Variants in GRAMD1C observed in about 807,000 individuals in gnomAD.
GRAMD1C encodes protein Aster-C.
GRAMD1C carries 89 observed loss-of-function variants against 97.8 expected under a neutral mutation model. The observed-to-expected ratio is 0.91, with a 90% confidence interval of 0.77 to 1.09. The LOEUF is 1.09. Ranked by LOEUF, GRAMD1C falls within the 50% of genes least tolerant of loss-of-function variation. The pLI, the probability that GRAMD1C is intolerant of heterozygous loss-of-function variation, is 0.00. For synonymous variants in GRAMD1C, 256 were observed against 267.0 expected, an observed-to-expected ratio of 0.96 and a Z score of 0.40; for missense variants, 740 against 766.4, an observed-to-expected ratio of 0.97 and a Z score of 0.41.
chr3:113,885,043 C>T (rs1307472580), intron 6 of GRAMD1C, among the ~76,000 whole-genome samples: 2 of 151,262 alleles, frequency 1.3e-5, no homozygotes, highest in African/African-American at 2.4e-5. Flanking sequence ...GCAACTTCCC[C>T]GAAGGCGTCG....
At chr3:113,831,421 C>T (rs1042236652) in intron 1 of GRAMD1C, among the ~76,000 whole-genome samples, 5 of 8,704 alleles carry the variant, frequency 5.7e-4, no homozygotes, top group African/African-American at 6.8e-4. Flanking sequence ...TGTTTTGCAC[C>T]TTACTTTTTT....
chr3:113,868,176 CATT>C (rs1026184331), intron 2 of GRAMD1C, among the ~76,000 whole-genome samples: 14 of 152,060 alleles, frequency 9.2e-5, no homozygotes, highest in African/African-American at 2.9e-4. Context: ...CTTGTTGAGT[CATT>C]GTTGTCATAC....
chr3:113,860,874 G>A (rs150656688), intron 2 of GRAMD1C, among the ~76,000 whole-genome samples: 3,587 of 151,818 alleles, frequency 0.024, 140 homozygotes, highest in African/African-American at 0.08. Flanking sequence ...GCTGAGGCAG[G>A]AGAATCGCTT....
At chr3:113,885,417 T>A (rs1935435680) in intron 6 of GRAMD1C, 3 of 1,573,150 alleles carry the variant, frequency 1.9e-6, no homozygotes, top group Non-Finnish European at 1.7e-6. Flanking sequence ...AGTACCAAAC[T>A]GTTCGATATG....
intron 1 of GRAMD1C, among the ~76,000 whole-genome samples, chr3:113,831,921 T>C (rs1430654759): frequency 2.0e-5 from 3 of 152,228 alleles, no homozygotes; most frequent in Non-Finnish European, 4.4e-5. Flanking sequence ...TCAGGCTTCA[T>C]TAGGGGCTGT....
chr3:113,892,148 GT>G (rs1049764341), intron 6 of GRAMD1C, among the ~76,000 whole-genome samples: 10 of 152,162 alleles, frequency 6.6e-5, no homozygotes, highest in Admixed American at 3.3e-4. Context: ...GAAAAAGAAT[GT>G]TTTTAAAAGA....
intron 5 of GRAMD1C, among the ~76,000 whole-genome samples, chr3:113,879,636 G>A (rs1265392293): frequency 1.3e-5 from 2 of 150,508 alleles, no homozygotes; most frequent in African/African-American, 2.4e-5. Context: ...ATCCCCATAT[G>A]TGGAGGCTGT....
chr3:113,898,408 T>G (rs1041535360), intron 6 of GRAMD1C, among the ~76,000 whole-genome samples: 4 of 152,162 alleles, frequency 2.6e-5, no homozygotes, highest in African/African-American at 9.6e-5. Flanking sequence ...ACTAAAATAT[T>G]TCAAAGATAA....
intron 11 of GRAMD1C, 78 bp from the exon 12 acceptor site, chr3:113,933,433 A>G (rs1158505829): frequency 1.0e-6 from 1 of 976,118 alleles, no homozygotes; most frequent in East Asian, 2.4e-5. Flanking sequence ...AGGAATACTA[A>G]TATACATGTT....
intron 6 of GRAMD1C, chr3:113,885,558 G>C (rs1935443219): frequency 6.3e-7 from 1 of 1,579,192 alleles, no homozygotes; most frequent in African/African-American, 1.3e-5. Flanking sequence ...AGTCCGGCCT[G>C]TTAGGCCTCC....
rs560166773 is a variant in GRAMD1C at position 113,852,756 on chromosome 3, C to T, written c.174+8107C>T. On this transcript the variant is annotated intron_variant, in intron 2 of 17. Coordinates refer to ENST00000358160, the MANE Select transcript of GRAMD1C (RefSeq NM_017577.5). ...AGATAGCACCTTGAACTTGTATGAG[C>T]TGGAACTGAAAACTCTTTATAAAGC... 5.3e-4 allele frequency among the ~76,000 whole-genome samples: 80 copies of T among 152,268 alleles called. 3 individuals carry two copies. In the South Asian group the frequency reaches 0.016, roughly 30 times the overall value.
chr3:113,857,517 G>A lies in GRAMD1C; in HGVS notation c.175-11990G>A, dbSNP rs111440495. ...CAGCCTCCCGAGTAGCTGGGACTAC[G>A]GGCGCCCACCACCACGCCTGGCTAA... On this transcript the variant is annotated intron_variant, in intron 2 of 17. Transcript: ENST00000358160. Among the ~76,000 whole-genome samples the A allele has an allele frequency of 6.6e-3, 1,002 of 151,552 alleles. 10 individuals carry two copies. Among genetic ancestry groups the A allele is most frequent in the African/African-American group, 0.023 (935 of 41,318 alleles).
chr3:113,911,173 G>GACAC (rs60151773), intron 9 of GRAMD1C, among the ~76,000 whole-genome samples: 74 of 147,532 alleles, frequency 5.0e-4, no homozygotes, highest in African/African-American at 1.7e-3. Context: ...CAGAGAGAGA[G>GACAC]ACACACACAC....
At chr3:113,903,976 TTTAAGAAGATAGCC>T (rs1454704090) in intron 7 of GRAMD1C, among the ~76,000 whole-genome samples, 150 bp from the exon 8 acceptor site, 1 of 152,210 alleles carries the variant, frequency 6.6e-6, no homozygotes, top group Non-Finnish European at 1.5e-5. Flanking sequence ...TTGCATGTAA[TTTAAGAAGATAGCC>T]TTGTTATAAG....
chr3:113,861,260 C>A (rs967619941), intron 2 of GRAMD1C, among the ~76,000 whole-genome samples: 1 of 152,120 alleles, frequency 6.6e-6, no homozygotes, highest in East Asian at 1.9e-4. Context: ...AGGTTTAAAT[C>A]TTCATGAACT....
chr3:113,882,675 C>G (rs1935310894), intron 5 of GRAMD1C, 77 bp from the exon 6 acceptor site: 1 of 833,486 alleles, frequency 1.2e-6, no homozygotes, highest in Non-Finnish European at 2.1e-6. Context: ...ATAAGCAAGT[C>G]CGCATAGACT....
At chr3:113,853,015 T>C (rs564350908) in intron 2 of GRAMD1C, among the ~76,000 whole-genome samples, 26 of 152,178 alleles carry the variant, frequency 1.7e-4, no homozygotes, top group Admixed American at 3.9e-4. Context: ...AATAGTGTAT[T>C]TGATGCTCCA....
chr3:113,890,658 TTC>T (rs1312370335), intron 6 of GRAMD1C: 32 of 665,698 alleles, frequency 4.8e-5, no homozygotes, highest in Non-Finnish European at 8.2e-5. Context: ...GTGAGGTGCA[TTC>T]TCTCATTCTA....
At chr3:113,837,115 T>C (rs985969448), upstream of GRAMD1C, among the ~76,000 whole-genome samples, 1 of 150,224 alleles carries the variant, frequency 6.7e-6, no homozygotes, top group African/African-American at 2.4e-5. Context: ...CTTCCTTCCC[T>C]CTCTCTCTCT....
Sources: allele counts gnomAD v4.1 joint callset (sites outside exome capture counted in the v4.1 genomes callset), GRCh38; gene constraint gnomAD v4.1.1; transcripts MANE v1.5; gene names NCBI Gene and HGNC (gene_info 2026-07-23, HGNC 2026-07-21).